Variants in LUC7L2 observed in about 807,000 individuals in gnomAD.
The protein encoded by LUC7L2 is LUC7 like 2, pre-mRNA splicing factor.
Under a neutral mutation model 52.8 loss-of-function variants are expected in LUC7L2, and 25 were observed. The ratio of observed to expected loss-of-function variants is 0.47; its 90% CI spans 0.34 to 0.66. LUC7L2 has a LOEUF of 0.66. LUC7L2 is among the 30% of genes least tolerant of loss of function. The pLI, the probability that LUC7L2 is intolerant of heterozygous loss-of-function variation, is 0.01. For synonymous variants in LUC7L2, 144 were observed against 160.9 expected, an observed-to-expected ratio of 0.89 and a Z score of 0.80; for missense variants, 328 against 497.8, an observed-to-expected ratio of 0.66 and a Z score of 3.25.
intron 1 of LUC7L2, 65 bp downstream of exon 1, chr7:139,360,387 G>C (rs979944759): frequency 6.7e-7 from 1 of 1,488,862 alleles, no homozygotes; most frequent in Non-Finnish European, 9.1e-7. Flanking sequence ...AAGGGGTTCC[G>C]AGGGCGCACC....
rs537815929 is a variant in LUC7L2, at chr7:139,378,542, T to G, written c.156+2386T>G. Among the ~76,000 whole-genome samples, 323 of 151,918 alleles carry G rather than the reference T, an allele frequency of 2.1e-3. 6 individuals carry two copies. The highest frequency in any genetic ancestry group is 3.9e-3 in the Admixed American group (60 of 15,256). On this transcript the variant is annotated intron_variant, in intron 2 of 9. Transcript: ENST00000354926. ...GTGAGCTGTGATCACACCAGTGTAC[T>G]CTACCCTGGGCAACAGAGTGAGACC...
Position 139,398,593 on chromosome 7 carries a change from T to G in LUC7L2, c.157-6T>G. 2 of 1,593,634 alleles carry G rather than the reference T, an allele frequency of 1.3e-6. No individual in the cohort carries two copies. The highest frequency in any genetic ancestry group is 1.7e-6 in the Non-Finnish European group (2 of 1,174,460). On this transcript the variant is annotated splice_region_variant and splice_polypyrimidine_tract_variant and intron_variant, in intron 2 of 9. Transcript: ENST00000354926. ...GTTTTAATATTATGTCTTTTTTCCCTTCCAGAGAATGGATCTTGGAGAATG... is the reference window on the plus strand; with the variant it reads ...GTTTTAATATTATGTCTTTTTTCCCGTCCAGAGAATGGATCTTGGAGAATG...
chr7:139,405,597 A>AT (rs764732821), intron 4 of LUC7L2, 47 bp from the exon 5 acceptor site: 5 of 1,531,808 alleles, frequency 3.3e-6, no homozygotes, highest in Non-Finnish European at 4.4e-6. Context: ...GAAATTTAAA[A>AT]TTCATTCTCT....
intron 4 of LUC7L2, among the ~76,000 whole-genome samples, 198 bp from the exon 5 acceptor site, chr7:139,405,446 C>G (rs1036622289): frequency 1.3e-5 from 2 of 152,122 alleles, no homozygotes; most frequent in African/African-American, 2.4e-5. Context: ...CAGTAGTAGC[C>G]CTGACTTCAT....
intron 8 of LUC7L2, chr7:139,416,208 C>CT (rs1795609086): frequency 6.6e-6 from 1 of 150,954 alleles, no homozygotes; most frequent in Non-Finnish European, 1.5e-5. Flanking sequence ...AGTTGCATTC[C>CT]TTTGTTTCCC....
intron 2 of LUC7L2, among the ~76,000 whole-genome samples, chr7:139,385,077 G>T (rs1794134299): frequency 6.6e-6 from 1 of 152,098 alleles, no homozygotes; most frequent in Non-Finnish European, 1.5e-5. Flanking sequence ...CTAGTTGAGG[G>T]TTGTCAGCAC....
chr7:139,356,836 T>TA (rs1308051558), upstream of LUC7L2, among the ~76,000 whole-genome samples: 1 of 152,100 alleles, frequency 6.6e-6, no homozygotes, highest in Non-Finnish European at 1.5e-5. Flanking sequence ...ACTCCTGTGC[T>TA]AAAGGATAAA....
chr7:139,422,281 G>T lies in LUC7L2; in HGVS notation c.1120G>T (p.Ala374Ser), dbSNP rs770646976. 16 of 1,614,216 alleles carry T rather than the reference G, an allele frequency of 9.9e-6. No homozygotes were observed. The highest frequency in any genetic ancestry group is 1.3e-5 in the Non-Finnish European group (15 of 1,180,034). ...RKDKKRSYES[A>S]NGRSEDRRSS... ...AGATAAGAAGCGGTCCTATGAGAGT[G>T]CTAATGGCAGATCAGAAGACAGGAG... Residue 374 changes from alanine to serine, a missense_variant, in exon 10 of 10, where the codon GCT becomes TCT. Ala to Ser is a moderately conservative substitution (Grantham distance 99, BLOSUM62 1). Coordinates refer to ENST00000354926, the MANE Select transcript of LUC7L2 (RefSeq NM_016019.5).
At chr7:139,389,696 T>C (rs534320367) in intron 2 of LUC7L2, among the ~76,000 whole-genome samples, 6 of 152,198 alleles carry the variant, frequency 3.9e-5, no homozygotes, top group African/African-American at 7.2e-5. Context: ...AATATAATAT[T>C]ATATCATATT....
rs567959678 is a variant in LUC7L2, at chr7:139,376,334, G to A, written c.156+178G>A. On this transcript the variant is annotated intron_variant, in intron 2 of 9. Transcript: ENST00000354926. ...CAGTAATGGGTTTCCTCACAAAAGT[G>A]GTTGATACGTTTTGTTTTATAATTT... Among the ~76,000 whole-genome samples, 13 of 151,796 alleles carry A rather than the reference G, an allele frequency of 8.6e-5. No individual in the cohort carries two copies. In the East Asian group the frequency reaches 2.1e-3, roughly 25 times the overall value.
At chr7:139,375,657 CAAG>C (rs1800668697) in intron 1 of LUC7L2, 1 of 969,196 alleles carries the variant, frequency 1.0e-6, no homozygotes. Context: ...TGCTTAGTGT[CAAG>C]AAGGGAACAT....
At position 139,352,029 on chromosome 7, in the gene LUC7L2, T is replaced by TA. The variant is rs1184295786; in HGVS notation, c.-26+11520dup. 5.9e-5 allele frequency among the ~76,000 whole-genome samples: 9 copies of TA among 151,662 alleles called. No homozygotes were observed. In the East Asian group the frequency reaches 1.7e-3, roughly 29 times the overall value. The stretch of plus-strand genomic sequence containing the variant: ...GAGCAACATAATGAGACCCTGTCTC[T>TA]AAAAAAAATGTAAAAATTAGCCAGG... On this transcript the variant is annotated intron_variant, in intron 1 of 10. Coordinates refer to the LUC7L2 transcript ENST00000541170.
intron 7 of LUC7L2, among the ~76,000 whole-genome samples, chr7:139,411,503 G>C (rs1795358505): frequency 1.3e-5 from 2 of 152,114 alleles, no homozygotes; most frequent in Admixed American, 1.3e-4. Context: ...TAGTGACAGA[G>C]TAAGCTGAGA....
At chr7:139,387,017 TGTA>T (rs1478286091) in intron 2 of LUC7L2, among the ~76,000 whole-genome samples, 4 of 151,952 alleles carry the variant, frequency 2.6e-5, no homozygotes, top group Non-Finnish European at 4.4e-5. Flanking sequence ...TTTTTGTATT[TGTA>T]GTAGAGACAG....
At position 139,402,260 on chromosome 7, in the gene LUC7L2, A is replaced by G; in HGVS notation, c.366+13A>G. On this transcript the variant is annotated intron_variant, in intron 4 of 9. Coordinates refer to ENST00000354926, the MANE Select transcript of LUC7L2 (RefSeq NM_016019.5). The stretch of plus-strand genomic sequence containing the variant: ...AGTAGCAGCAAAGGTAAGAATTTTA[A>G]TCATTTCATTAGTACAAAGTATTAT... 1 of 1,582,444 alleles carries G rather than the reference A, an allele frequency of 6.3e-7. No homozygotes were observed. Among genetic ancestry groups the G allele is most frequent in the Non-Finnish European group, 8.6e-7 (1 of 1,168,860 alleles).
intron 8 of LUC7L2, chr7:139,416,131 C>CTG (rs1795605059): frequency 8.4e-6 from 1 of 119,320 alleles, no homozygotes; most frequent in Non-Finnish European, 1.7e-5. Flanking sequence ...AGATTTAAAG[C>CTG]TGTGCAACTA....
intron 9 of LUC7L2, among the ~76,000 whole-genome samples, chr7:139,419,586 A>C (rs943201778): frequency 6.6e-6 from 1 of 152,238 alleles, no homozygotes; most frequent in African/African-American, 2.4e-5. Flanking sequence ...TCCTGTGTCA[A>C]ATCTGCCCAA....
chr7:139,340,684 C>G (rs12056045), intron 1 of LUC7L2: 69,948 of 393,138 alleles, frequency 0.18, 6,527 homozygotes, highest in Middle Eastern at 0.24. Context: ...GTTGTGTGAG[C>G]GCGTCGTTTG....
intron 2 of LUC7L2, among the ~76,000 whole-genome samples, chr7:139,390,817 A>G (rs1033528272): frequency 2.0e-5 from 3 of 152,100 alleles, no homozygotes; most frequent in Non-Finnish European, 2.9e-5. Flanking sequence ...CGGCCTCCCA[A>G]ACTGCTGGGA....
Sources: gnomAD v4.1 joint callset for allele counts (sites outside exome capture counted in the v4.1 genomes callset) on GRCh38, gnomAD v4.1.1 for gene constraint, MANE v1.5 for transcripts, NCBI Gene and HGNC (gene_info 2026-07-23, HGNC 2026-07-21) for gene names.